Variants in CNTN3 observed in about 807,000 individuals in gnomAD.
CNTN3 encodes the protein contactin-3.
In CNTN3, 60 loss-of-function variants were observed where a neutral mutation model predicts 119.1. The observed-to-expected ratio is 0.50, with a 90% CI of 0.41 to 0.62. The LOEUF is 0.62. Among genes scored for constraint, CNTN3 ranks in the 20% least tolerant of loss-of-function variants. The pLI, the probability that CNTN3 is intolerant of heterozygous loss-of-function variation, is 0.00. For missense variants in CNTN3, 1,101 were observed against 1,242.4 expected, an observed-to-expected ratio of 0.89 and a Z score of 1.71; for synonymous variants, 450 against 438.7, an observed-to-expected ratio of 1.03 and a Z score of -0.32.
intron 13 of CNTN3, among the ~76,000 whole-genome samples, chr3:74,312,393 T>C (rs1332653074): frequency 7.1e-6 from 1 of 141,148 alleles, no homozygotes; most frequent in African/African-American, 2.7e-5. Context: ...GAGGCGGAGC[T>C]TGCAGTGAGC....
intron 5 of CNTN3, among the ~76,000 whole-genome samples, chr3:74,413,256 G>C (rs1701467623): frequency 1.3e-5 from 2 of 152,308 alleles, no homozygotes; most frequent in Admixed American, 6.5e-5. Flanking sequence ...CCACTGCTTA[G>C]AGGGTACATG....
intron 1 of CNTN3, among the ~76,000 whole-genome samples, chr3:74,597,926 C>G (rs1483598112): frequency 6.6e-6 from 1 of 152,040 alleles, no homozygotes; most frequent in African/African-American, 2.4e-5. Context: ...AGATATAAAA[C>G]TTCCTACTAC....
intron 1 of CNTN3, among the ~76,000 whole-genome samples, chr3:74,555,802 T>C (rs922169278): frequency 2.0e-5 from 3 of 152,196 alleles, no homozygotes; most frequent in African/African-American, 7.2e-5. Context: ...TTCTTCTCTC[T>C]TTTCTTCTTT....
chr3:74,432,353 A>G (rs1474412458), intron 4 of CNTN3, among the ~76,000 whole-genome samples: 1 of 152,014 alleles, frequency 6.6e-6, no homozygotes, highest in African/African-American at 2.4e-5. Flanking sequence ...GGCCACACAT[A>G]AAATACATTA....
intron 19 of CNTN3, among the ~76,000 whole-genome samples, chr3:74,288,159 C>CTTTTTTTTTTT (rs3084509): frequency 8.9e-5 from 8 of 90,372 alleles, no homozygotes; most frequent in South Asian, 5.1e-4. Context: ...CTTTTCTTTT[C>CTTTTTTTTTTT]TTTTTTTTTT....
At chr3:74,298,875 G>C (rs936198947) in intron 17 of CNTN3, among the ~76,000 whole-genome samples, 22 of 134,982 alleles carry the variant, frequency 1.6e-4, no homozygotes, top group African/African-American at 6.2e-4. Context: ...GTGACAGAGA[G>C]AGACTCCATC....
chr3:74,309,013 T>C (rs533675528), intron 13 of CNTN3, among the ~76,000 whole-genome samples: 1 of 152,304 alleles, frequency 6.6e-6, no homozygotes, highest in South Asian at 2.1e-4. Context: ...CCGGAGACGT[T>C]TGCTCTGTTA....
chr3:74,557,727 GAAA>G, intron 1 of CNTN3, among the ~76,000 whole-genome samples: 1 of 136,976 alleles, frequency 7.3e-6, no homozygotes. Context: ...AGCAACAGAT[GAAA>G]AAAAAAAAAA....
intron 17 of CNTN3, among the ~76,000 whole-genome samples, chr3:74,299,387 A>G (rs1413371449): frequency 1.3e-5 from 2 of 152,140 alleles, no homozygotes; most frequent in African/African-American, 2.4e-5. Context: ...GAGAATGGCC[A>G]GGAAAGAAAC....
At chr3:74,430,950 T>C (rs1701773934) in intron 4 of CNTN3, among the ~76,000 whole-genome samples, 1 of 152,156 alleles carries the variant, frequency 6.6e-6, no homozygotes, top group African/African-American at 2.4e-5. Context: ...TGTGTGCTAC[T>C]CTACCAGAGC....
intron 19 of CNTN3, among the ~76,000 whole-genome samples, chr3:74,285,898 C>T (rs1048034766): frequency 5.6e-5 from 8 of 143,378 alleles, no homozygotes; most frequent in South Asian, 2.2e-4. Context: ...GTAAGTATTG[C>T]TGTGTTCTAT....
chr3:74,454,982 G>GT, intron 4 of CNTN3, among the ~76,000 whole-genome samples: 1 of 152,200 alleles, frequency 6.6e-6, no homozygotes, highest in African/African-American at 2.4e-5. Context: ...ACAATTATGT[G>GT]TCTTGGAGTT....
rs59223804 is a variant in CNTN3 at position 74,366,780 on chromosome 3, G to GTATATATATATATATATATATATA, written c.947-1102_947-1079dup. Among the ~76,000 whole-genome samples, 149 of 63,656 alleles carry GTATATATATATATATATATATATA rather than the reference G, an allele frequency of 2.3e-3. 4 individuals are homozygous for GTATATATATATATATATATATATA. Among genetic ancestry groups the GTATATATATATATATATATATATA allele is most frequent in the Non-Finnish European group, 2.6e-3 (98 of 37,556 alleles). The allele number at this position is 63,656 out of a possible 152,430, so 41.8% of individuals were successfully genotyped here. A position where few individuals can be genotyped will look rare whatever the true frequency, so the allele number is the denominator to read the frequency against. ...TGTGCGTGTGTGTGTGTGTGTGTGT[G>GTATATATATATATATATATATATA]TATATATATATATATATATATATAT... On this transcript the variant is annotated intron_variant, in intron 8 of 22. Transcript: ENST00000263665.
intron 1 of CNTN3, among the ~76,000 whole-genome samples, chr3:74,586,950 T>A (rs937380656): frequency 3.3e-5 from 5 of 152,064 alleles, no homozygotes; most frequent in Non-Finnish European, 5.9e-5. Flanking sequence ...TGCCTTGACT[T>A]GACTATGGTG....
chr3:74,304,385 G>A (rs9847026), intron 13 of CNTN3, among the ~76,000 whole-genome samples: 2 of 152,196 alleles, frequency 1.3e-5, no homozygotes, highest in African/African-American at 2.4e-5. Flanking sequence ...GAAACTCTTA[G>A]GTCTTACGAG....
intron 4 of CNTN3, among the ~76,000 whole-genome samples, chr3:74,475,749 A>G (rs956841736): frequency 6.6e-6 from 1 of 151,994 alleles, no homozygotes; most frequent in African/African-American, 2.4e-5. Flanking sequence ...AAATGCACCA[A>G]CTCACTAAAA....
intron 11 of CNTN3, among the ~76,000 whole-genome samples, chr3:74,357,980 C>T (rs995442292): frequency 6.6e-6 from 1 of 151,192 alleles, no homozygotes; most frequent in Admixed American, 6.6e-5. Context: ...CTGAAGCCTG[C>T]AGACCAAGTT....
intron 2 of CNTN3, among the ~76,000 whole-genome samples, chr3:74,512,908 C>G (rs541566948): frequency 3.4e-5 from 1 of 29,658 alleles, no homozygotes; most frequent in South Asian, 1.2e-3. Context: ...GCTTAAATAT[C>G]GCTTGCAAGT....
chr3:74,552,253 T>C (rs79893371), intron 1 of CNTN3, among the ~76,000 whole-genome samples: 10,776 of 152,288 alleles, frequency 0.071, 406 homozygotes, highest in Admixed American at 0.095. Context: ...AAAGCTGCCA[T>C]AAACGTCCAT....
Sources: gnomAD v4.1 joint callset for allele counts (sites outside exome capture counted in the v4.1 genomes callset) on GRCh38, gnomAD v4.1.1 for gene constraint, MANE v1.5 for transcripts, NCBI Gene and HGNC (gene_info 2026-07-23, HGNC 2026-07-21) for gene names.